GALNT9: variants seen among roughly 807,000 people sequenced by gnomAD.
GALNT9 encodes GalNAc transferase 9.
Under a neutral mutation model 63.1 loss-of-function variants are expected in GALNT9, and 47 were observed. The ratio of observed to expected loss-of-function variants is 0.75; its 90% CI spans 0.59 to 0.95. The LOEUF is 0.95. Ranked by LOEUF, GALNT9 falls within the 40% of genes least tolerant of loss-of-function variation. The pLI, the probability that GALNT9 is intolerant of heterozygous loss-of-function variation, is 0.00. For synonymous variants in GALNT9, 396 were observed against 365.7 expected, an observed-to-expected ratio of 1.08 and a Z score of -0.94; for missense variants, 829 against 874.8, an observed-to-expected ratio of 0.95 and a Z score of 0.66.
chr12:132,269,291 G>T (rs1349125635), intron 2 of GALNT9, among the ~76,000 whole-genome samples: 1 of 152,114 alleles, frequency 6.6e-6, no homozygotes, highest in Non-Finnish European at 1.5e-5. Context: ...GACTCGTCGA[G>T]TGTGATTTCC....
At chr12:132,210,154 C>T (rs1285965371) in intron 6 of GALNT9, among the ~76,000 whole-genome samples, 1 of 152,130 alleles carries the variant, frequency 6.6e-6, no homozygotes, top group African/African-American at 2.4e-5. Flanking sequence ...ATGGGTGGGT[C>T]CCTGGGGCCC....
intron 2 of GALNT9, chr12:132,278,388 C>T (rs1028958260): frequency 6.6e-6 from 1 of 152,286 alleles, no homozygotes; most frequent in African/African-American, 2.4e-5. Context: ...CAGGAGGCCC[C>T]TAACCCGATG....
At chr12:132,225,254 C>T in intron 6 of GALNT9, among the ~76,000 whole-genome samples, 1 of 144,006 alleles carries the variant, frequency 6.9e-6, no homozygotes, top group Non-Finnish European at 1.5e-5. Flanking sequence ...TATACTTATA[C>T]ACCCCCCACA....
chr12:132,250,160 G>A (rs188347401), intron 5 of GALNT9, among the ~76,000 whole-genome samples: 75 of 152,350 alleles, frequency 4.9e-4, no homozygotes, highest in Middle Eastern at 3.4e-3. Flanking sequence ...CCCTGGAAAC[G>A]TGGCACCGAG....
At position 132,296,150 on chromosome 12, in the gene GALNT9, G is replaced by A. The variant is rs917524831; in HGVS notation, c.239-9720C>T. Among the ~76,000 whole-genome samples, 4 of 151,282 alleles carry A rather than the reference G, an allele frequency of 2.6e-5. No individual in the cohort carries two copies. Among genetic ancestry groups the A allele is most frequent in the African/African-American group, 4.9e-5 (2 of 41,206 alleles). ...ACAGGGAGAGCCTCTGAACAGGGAC[G>A]GCCTCCGAACAGGGAGAGCCTCCGG... On this transcript the variant is annotated intron_variant, in intron 1 of 10. Coordinates refer to ENST00000328957, the MANE Select transcript of GALNT9 (RefSeq NM_001122636.2). This position sits in a 1 kb window ranked among gnomAD's most constrained non-coding sequence, Gnocchi z 4.2.
chr12:132,217,433 CTCAT>C (rs1191247512), intron 6 of GALNT9, among the ~76,000 whole-genome samples: 1 of 146,364 alleles, frequency 6.8e-6, no homozygotes, highest in Non-Finnish European at 1.5e-5. Context: ...CATCCATCCA[CTCAT>C]TCATCTATCC....
Position 132,237,280 on chromosome 12 carries a change from A to G in GALNT9, c.1077+10630T>C, listed in dbSNP as rs151076982. 8.9e-3 allele frequency among the ~76,000 whole-genome samples: 1,347 copies of G among 152,026 alleles called. 21 individuals are homozygous for G. The highest frequency in any genetic ancestry group is 0.031 in the African/African-American group (1,284 of 41,424). ...CGTCCACACCTGTTCATACCTGTCC[A>G]CACCTGCTCACACCCATCCACACCA... On this transcript the variant is annotated intron_variant, in intron 6 of 10. Coordinates refer to ENST00000328957, the MANE Select transcript of GALNT9 (RefSeq NM_001122636.2).
intron 1 of GALNT9, among the ~76,000 whole-genome samples, chr12:132,321,302 C>G (rs1402212136): frequency 6.6e-6 from 1 of 152,010 alleles, no homozygotes; most frequent in Non-Finnish European, 1.5e-5. Context: ...CCAGCTGCTC[C>G]GGAGACCTTG....
At chr12:132,199,680 C>T (rs1875846812) in intron 8 of GALNT9, among the ~76,000 whole-genome samples, 1 of 152,084 alleles carries the variant, frequency 6.6e-6, no homozygotes, top group East Asian at 1.9e-4. Flanking sequence ...CCAGCTTCCA[C>T]TCTGTCTTGG....
intron 2 of GALNT9, among the ~76,000 whole-genome samples, chr12:132,268,103 ACT>A (rs1555240409): frequency 7.0e-6 from 1 of 142,060 alleles, no homozygotes; most frequent in Admixed American, 6.7e-5. Flanking sequence ...CCACACGCGC[ACT>A]CACACACACA....
At chr12:132,227,652 T>C (rs1877749426) in intron 6 of GALNT9, among the ~76,000 whole-genome samples, 2 of 152,198 alleles carry the variant, frequency 1.3e-5, no homozygotes, top group African/African-American at 4.8e-5. Flanking sequence ...AAAATTAGCA[T>C]GCTTGCTGTA....
rs1330716188 is a variant in GALNT9, at chr12:132,235,157, G to C, written c.1077+12753C>G. ...GTCCCTAGTGCCACACACTCGATGG[G>C]GTGACAGGGACAGCGTGGAGCCCCT... On this transcript the variant is annotated intron_variant, in intron 6 of 10. Coordinates refer to ENST00000328957, the MANE Select transcript of GALNT9 (RefSeq NM_001122636.2). Among the ~76,000 whole-genome samples the C allele has an allele frequency of 2.6e-3, 304 of 115,570 alleles. 35 individuals are homozygous for C. The highest frequency in any genetic ancestry group is 7.1e-3 in the South Asian group (21 of 2,948). 75.8% of individuals were successfully genotyped at this position (115,570 alleles called of 152,430 possible).
At chr12:132,198,112 G>A (rs1166609877) in intron 9 of GALNT9, among the ~76,000 whole-genome samples, 153 bp from the exon 10 acceptor site, 6 of 152,246 alleles carry the variant, frequency 3.9e-5, no homozygotes, top group Admixed American at 3.9e-4. Flanking sequence ...GCGGGCGGGA[G>A]AGGACCGCCG....
At chr12:132,266,673 G>A (rs1040988920) in intron 2 of GALNT9, among the ~76,000 whole-genome samples, 2 of 152,234 alleles carry the variant, frequency 1.3e-5, no homozygotes, top group South Asian at 4.1e-4. Flanking sequence ...CAGAACGGGG[G>A]ACAGTGCATT....
At chr12:132,321,051 G>A (rs530712490) in intron 1 of GALNT9, among the ~76,000 whole-genome samples, 176 of 152,310 alleles carry the variant, frequency 1.2e-3, no homozygotes, top group Middle Eastern at 6.8e-3. Context: ...GCGTCCCAGC[G>A]GGGAGGAGGG....
At chr12:132,298,259 C>G (rs1881148777) in intron 1 of GALNT9, among the ~76,000 whole-genome samples, 1 of 152,026 alleles carries the variant, frequency 6.6e-6, no homozygotes. Context: ...CAGAGACAAC[C>G]AAGTCACTCC....
intron 1 of GALNT9, among the ~76,000 whole-genome samples, chr12:132,321,553 C>T (rs781980683): frequency 1.3e-5 from 2 of 152,188 alleles, no homozygotes. Context: ...CAGCCCCCTG[C>T]CCTAGCACCT....
intron 6 of GALNT9, among the ~76,000 whole-genome samples, chr12:132,223,042 CACAG>C (rs1177910066): frequency 2.3e-5 from 2 of 88,356 alleles, no homozygotes; most frequent in Non-Finnish European, 4.7e-5. Flanking sequence ...ACCCCACACA[CACAG>C]ACACACCACA....
chr12:132,208,653 G>A (rs563735898), intron 6 of GALNT9, among the ~76,000 whole-genome samples: 6 of 152,234 alleles, frequency 3.9e-5, no homozygotes, highest in South Asian at 2.1e-4. Flanking sequence ...AGCCAACCCC[G>A]CTCACCTGGC....
Sources: allele counts gnomAD v4.1 joint callset (sites outside exome capture counted in the v4.1 genomes callset), GRCh38; gene constraint gnomAD v4.1.1; non-coding constraint Gnocchi (gnomAD v3.1); transcripts MANE v1.5; gene names NCBI Gene and HGNC (gene_info 2026-07-23, HGNC 2026-07-21).